The following PPIC variants were observed in gnomAD, a reference collection of about 807,000 sequenced individuals.
The protein encoded by PPIC is peptidylprolyl isomerase C.
Under a neutral mutation model 19.5 loss-of-function variants are expected in PPIC, and 19 were observed. That is an observed-to-expected ratio of 0.98 (90% CI 0.68 to 1.43). The LOEUF is 1.43. PPIC is among the 40% of genes most tolerant of loss of function. The pLI, the probability that PPIC is intolerant of heterozygous loss-of-function variation, is 0.00. For missense variants in PPIC, 268 were observed against 268.6 expected (o/e 1.00, Z 0.02); for synonymous variants, 107 against 101.2 (o/e 1.06, Z -0.34).
At chr5:123,025,130 C>T (rs1460129719) in intron 4 of PPIC, among the ~76,000 whole-genome samples, 1 of 152,056 alleles carries the variant, frequency 6.6e-6, no homozygotes, top group African/African-American at 2.4e-5. Context: ...GCTTTGTTTT[C>T]AACTATTTTA....
At chr5:123,031,638 G>A (rs1291639937) in intron 1 of PPIC, among the ~76,000 whole-genome samples, 1 of 152,172 alleles carries the variant, frequency 6.6e-6, no homozygotes, top group African/African-American at 2.4e-5. Flanking sequence ...GCAAAAGAGA[G>A]AAGACAAAGA....
At chr5:123,027,517 C>T (rs1762878583) in intron 3 of PPIC, among the ~76,000 whole-genome samples, 1 of 152,100 alleles carries the variant, frequency 6.6e-6, no homozygotes, top group African/African-American at 2.4e-5. Context: ...CAGGGTTTTC[C>T]AATGAGATCC....
chr5:123,036,327 C>T lies in PPIC; in HGVS notation c.117+182G>A, dbSNP rs1026708814. 6.0e-4 allele frequency: 365 copies of T among 608,856 alleles called. 1 individual carries two copies. The highest frequency in any genetic ancestry group is 1.6e-4 in the Non-Finnish European group (54 of 346,154). 37.7% of individuals were successfully genotyped at this position (608,856 alleles called of 1,614,324 possible). On this transcript the variant is annotated intron_variant, in intron 1 of 4. Coordinates refer to ENST00000306442, the MANE Select transcript of PPIC (RefSeq NM_000943.5). The surrounding 1 kb of genome is among the most constrained non-coding windows in gnomAD (Gnocchi z 4.5). ...AGCCCAGCTCCCCCAGGGTCTCCCC[C>T]GGAGCGCCGGCCTCCCAGCACGCGA...
At chr5:123,030,761 A>G (rs116205127) in intron 1 of PPIC, among the ~76,000 whole-genome samples, 2,454 of 152,334 alleles carry the variant, frequency 0.016, 57 homozygotes, top group African/African-American at 0.042. Flanking sequence ...TGGTCAGTGC[A>G]GAGCCGGCTT....
chr5:123,035,822 C>G (rs898730557), intron 1 of PPIC, among the ~76,000 whole-genome samples: 2 of 152,224 alleles, frequency 1.3e-5, no homozygotes, highest in Admixed American at 6.5e-5. Flanking sequence ...CACTTTCTGG[C>G]AGCCCCCCGC....
Position 123,036,677 on chromosome 5 carries a change from GAC to G in PPIC, c.-54_-53del, listed in dbSNP as rs770757762. ...GCACGGGCGCTACCGGCACGGGCGC[GAC>G]ACAGGCTCTGGGACAGCTGACGGGA... On this transcript the variant is annotated 5_prime_UTR_variant, in exon 1 of 5. Coordinates refer to ENST00000306442, the MANE Select transcript of PPIC (RefSeq NM_000943.5). This position sits in a 1 kb window ranked among gnomAD's most constrained non-coding sequence, Gnocchi z 4.5. 1.4e-6 allele frequency: 2 copies of G among 1,469,852 alleles called. No individual in the cohort carries two copies. The allele number at this position is 1,469,852 out of a possible 1,614,324, so 91.1% of individuals were successfully genotyped here.
intron 1 of PPIC, among the ~76,000 whole-genome samples, chr5:123,031,308 G>A (rs1291528571): frequency 2.0e-5 from 3 of 152,198 alleles, no homozygotes; most frequent in Non-Finnish European, 2.9e-5. Flanking sequence ...ACAGTACAGG[G>A]CAGTGTGTGA....
intron 3 of PPIC, among the ~76,000 whole-genome samples, chr5:123,026,468 A>G (rs970172835): frequency 6.6e-6 from 1 of 152,156 alleles, no homozygotes; most frequent in African/African-American, 2.4e-5. Context: ...TCTCATAACA[A>G]CCCTGAAGAG....
chr5:123,034,440 A>G (rs1324690960), intron 1 of PPIC, among the ~76,000 whole-genome samples: 1 of 152,058 alleles, frequency 6.6e-6, no homozygotes, highest in Non-Finnish European at 1.5e-5. Context: ...TCCTGCAGCC[A>G]CCAGCTTCCT....
At position 123,023,636 on chromosome 5, in the gene PPIC, G is replaced by A. The variant is rs893751784; in HGVS notation, c.*239C>T. On this transcript the variant is annotated 3_prime_UTR_variant, in exon 5 of 5. Transcript: ENST00000306442. ...CAAAGTTTTTTTTAGTTTTAAAATAGCACCACTTGAGGAAGGGGATATATT... is the reference window on the plus strand; with the variant it reads ...CAAAGTTTTTTTTAGTTTTAAAATAACACCACTTGAGGAAGGGGATATATT... 5 of 399,878 alleles carry A rather than the reference G, an allele frequency of 1.3e-5. No individual in the cohort carries two copies. Among genetic ancestry groups the A allele is most frequent in the Non-Finnish European group, 2.0e-5 (5 of 254,972 alleles). The allele number at this position is 399,878 out of a possible 1,614,324, so 24.8% of individuals were successfully genotyped here.
At chr5:123,033,512 G>A (rs937754544) in intron 1 of PPIC, among the ~76,000 whole-genome samples, 1 of 152,206 alleles carries the variant, frequency 6.6e-6, no homozygotes, top group African/African-American at 2.4e-5. Context: ...CGCCGTGACT[G>A]GAAGCAGCCT....
At chr5:123,035,049 GT>G (rs1335287664) in intron 1 of PPIC, among the ~76,000 whole-genome samples, 3 of 152,206 alleles carry the variant, frequency 2.0e-5, no homozygotes, top group African/African-American at 7.2e-5. Flanking sequence ...CTAAGGCCCT[GT>G]GTGATTCCGC....
intron 1 of PPIC, among the ~76,000 whole-genome samples, chr5:123,031,022 T>G (rs1762933176): frequency 6.6e-6 from 1 of 152,156 alleles, no homozygotes; most frequent in African/African-American, 2.4e-5. Flanking sequence ...AACATAACTC[T>G]TCAGCAAAAA....
Position 123,036,421 on chromosome 5 carries a change from C to G in PPIC, c.117+88G>C. 3 of 1,256,700 alleles carry G rather than the reference C, an allele frequency of 2.4e-6. No homozygotes were observed. The Admixed American group carries it at 5.8e-5, about 24-fold the overall frequency. The allele number at this position is 1,256,700 out of a possible 1,614,324, so 77.8% of individuals were successfully genotyped here. A position where few individuals can be genotyped will look rare whatever the true frequency, so the allele number is the denominator to read the frequency against. ...TGCGCCCGGGAAGCCTCCACCTCGC[C>G]CGCCCTGACACCGAGGTCCCAGTAT... On this transcript the variant is annotated intron_variant, in intron 1 of 4. Transcript: ENST00000306442. The surrounding 1 kb of genome is among the most constrained non-coding windows in gnomAD (Gnocchi z 4.5).
At chr5:123,031,661 G>A (rs189001207) in intron 1 of PPIC, among the ~76,000 whole-genome samples, 17 of 152,292 alleles carry the variant, frequency 1.1e-4, no homozygotes, top group Non-Finnish European at 1.8e-4. Context: ...AAGGTCAAGC[G>A]AGGCTCTGGG....
rs2150187910 is a variant in PPIC at position 123,023,850 on chromosome 5, A to G, written c.*25T>C. On this transcript the variant is annotated 3_prime_UTR_variant, in exon 5 of 5. Transcript: ENST00000306442. ...CACACACACACACCCCTGCCAAAGC[A>G]TATCCTTGTTTTCTGCCAGTTGTGT... 3.2e-6 allele frequency: 5 copies of G among 1,577,220 alleles called. No individual in the cohort carries two copies. Among genetic ancestry groups the G allele is most frequent in the Non-Finnish European group, 4.3e-6 (5 of 1,154,284 alleles).
intron 3 of PPIC, among the ~76,000 whole-genome samples, chr5:123,026,687 C>A (rs552427724): frequency 6.6e-6 from 1 of 152,188 alleles, no homozygotes; most frequent in Non-Finnish European, 1.5e-5. Context: ...CAATTGGGAG[C>A]ACCCAGTGGT....
rs1443122648 is a variant in PPIC at position 123,023,258 on chromosome 5, T to C, written c.*617A>G. The C allele has an allele frequency of 3.9e-5, 6 of 152,390 alleles. No homozygotes were observed. The allele number at this position is 152,390 out of a possible 1,614,324, so 9.4% of individuals were successfully genotyped here. ...GTGGATGGGCATAATTTCTGAGTTA[T>C]CTAATTATGTTTGTAGTTTGATTTA... On this transcript the variant is annotated 3_prime_UTR_variant, in exon 5 of 5. Transcript: ENST00000306442.
Position 123,025,794 on chromosome 5 carries a change from A to G in PPIC, c.500T>C (p.Ile167Thr), listed in dbSNP as rs558434599. Residue 167 changes from isoleucine (I) to threonine (T), a missense_variant, in exon 4 of 5, where the codon ATT (isoleucine) becomes ACT (threonine). Coordinates refer to ENST00000306442, the MANE Select transcript of PPIC (RefSeq NM_000943.5). ...DGKHVVFGKV[I>T]DGMTVVHSIE... ...AATGTATCAATTTACCATCCCATCA[A>G]TGACTTTTCCAAACACCACATGTTT... The G allele has an allele frequency of 3.1e-6, 5 of 1,612,990 alleles. No homozygotes were observed. The highest frequency in any genetic ancestry group is 1.3e-5 in the African/African-American group (1 of 75,012).
Sources: gnomAD v4.1 joint callset for allele counts (sites outside exome capture counted in the v4.1 genomes callset) on GRCh38, gnomAD v4.1.1 for gene constraint, Gnocchi (gnomAD v3.1) non-coding constraint, MANE v1.5 for transcripts, NCBI Gene and HGNC (gene_info 2026-07-23, HGNC 2026-07-21) for gene names.